LINGO2: variants seen among roughly 807,000 people sequenced by gnomAD.
LINGO2 encodes the protein leucine rich repeat and Ig domain containing 2.
In LINGO2, 14 loss-of-function variants were observed where a neutral mutation model predicts 30.6. The observed-to-expected ratio is 0.46, with a 90% confidence interval of 0.30 to 0.72. The LOEUF is 0.72. Among genes scored for constraint, LINGO2 ranks in the 30% least tolerant of loss-of-function variants. The pLI is 0.07. For synonymous variants in LINGO2, 317 were observed against 288.5 expected (o/e 1.10, Z -1.00); for missense variants, 729 against 751.7 (o/e 0.97, Z 0.35).
the LINGO2 span, among the ~76,000 whole-genome samples, chr9:29,069,843 T>C: frequency 6.6e-6 from 1 of 152,046 alleles, no homozygotes; most frequent in Non-Finnish European, 1.5e-5. Flanking sequence ...CTATTTTTAA[T>C]AGATAGCCAG....
intron 4 of LINGO2, among the ~76,000 whole-genome samples, chr9:28,157,019 A>T (rs891461779): frequency 5.9e-5 from 9 of 152,062 alleles, no homozygotes; most frequent in African/African-American, 2.2e-4. Flanking sequence ...CTGTCAGTGG[A>T]TCTACCATTC....
intron 4 of LINGO2, among the ~76,000 whole-genome samples, chr9:28,185,220 T>C (rs1819499553): frequency 6.6e-6 from 1 of 152,212 alleles, no homozygotes; most frequent in Admixed American, 6.5e-5. Flanking sequence ...AGTTCACCAG[T>C]GTGCAGACAT....
At chr9:28,275,217 C>T (rs56369376) in intron 4 of LINGO2, among the ~76,000 whole-genome samples, 2,636 of 152,040 alleles carry the variant, frequency 0.017, 42 homozygotes, top group African/African-American at 0.041. Context: ...TACAGGCACC[C>T]GCCACCACGC....
At chr9:28,156,363 A>T (rs1427096239) in intron 4 of LINGO2, among the ~76,000 whole-genome samples, 1 of 152,244 alleles carries the variant, frequency 6.6e-6, no homozygotes, top group East Asian at 1.9e-4. Flanking sequence ...AGATCCAATT[A>T]GAATTGTTAA....
At chr9:28,941,425 A>G in the LINGO2 span, among the ~76,000 whole-genome samples, 1 of 152,168 alleles carries the variant, frequency 6.6e-6, no homozygotes, top group African/African-American at 2.4e-5. Context: ...TAGTACCACA[A>G]GTGTCTCCTT....
intron 1 of LINGO2, among the ~76,000 whole-genome samples, chr9:28,625,588 C>G (rs1258994647): frequency 2.0e-5 from 3 of 152,044 alleles, no homozygotes; most frequent in African/African-American, 4.8e-5. Flanking sequence ...TGAGTATGTT[C>G]TCTAAATGAA....
chr9:28,903,113 A>G, the LINGO2 span, among the ~76,000 whole-genome samples: 1 of 151,994 alleles, frequency 6.6e-6, no homozygotes, highest in African/African-American at 2.4e-5. Context: ...AAGAAACAAA[A>G]TTGGCAAAGC....
At chr9:28,121,078 G>A (rs1469027543) in intron 4 of LINGO2, among the ~76,000 whole-genome samples, 1 of 152,134 alleles carries the variant, frequency 6.6e-6, no homozygotes, top group Non-Finnish European at 1.5e-5. Flanking sequence ...ACTGATAGAA[G>A]ATTTTTGGGT....
chr9:28,811,620 C>T, the LINGO2 span, among the ~76,000 whole-genome samples: 3 of 152,124 alleles, frequency 2.0e-5, no homozygotes, highest in African/African-American at 7.2e-5. Context: ...CTCAACCAAA[C>T]TATACTAATT....
At chr9:29,113,996 T>C in the LINGO2 span, among the ~76,000 whole-genome samples, 221 of 152,118 alleles carry the variant, frequency 1.5e-3, no homozygotes, top group African/African-American at 3.8e-3. Flanking sequence ...GGAATTCTTT[T>C]CCACAACAAC....
the LINGO2 span, among the ~76,000 whole-genome samples, chr9:28,848,793 T>A: frequency 2.0e-5 from 3 of 151,756 alleles, no homozygotes; most frequent in Admixed American, 1.3e-4. Context: ...CCATCCTGAG[T>A]TTTATTTTAA....
Position 28,470,504 on chromosome 9 carries a change from G to A in LINGO2, c.-279+5436C>T, listed in dbSNP as rs534357003. ...ATGGAGCTGTCACACTTGCTGCATG[G>A]GTGGGAGCCCTAGGCCCTCTGTCAA... is the stretch of plus-strand genomic sequence containing the variant. On this transcript the variant is annotated intron_variant, in intron 2 of 5. Coordinates refer to ENST00000379992, the Ensembl canonical transcript of LINGO2. 6.8e-4 allele frequency among the ~76,000 whole-genome samples: 104 copies of A among 152,274 alleles called. 1 individual carries two copies. The highest frequency in any genetic ancestry group is 2.4e-3 in the African/African-American group (99 of 41,556).
chr9:28,965,067 T>A, the LINGO2 span, among the ~76,000 whole-genome samples: 1 of 151,938 alleles, frequency 6.6e-6, no homozygotes, highest in African/African-American at 2.4e-5. Flanking sequence ...ATCTGTCTTT[T>A]GGAGCTAAGT....
the LINGO2 span, among the ~76,000 whole-genome samples, chr9:28,905,834 T>G: frequency 6.6e-6 from 1 of 152,068 alleles, no homozygotes. Flanking sequence ...ATGAAATCAG[T>G]ATGTTGAAGA....
chr9:29,181,662 G>A, the LINGO2 span, among the ~76,000 whole-genome samples: 1 of 152,060 alleles, frequency 6.6e-6, no homozygotes, highest in African/African-American at 2.4e-5. Context: ...GATGTACTAG[G>A]AAACAAAGTA....
At chr9:28,075,391 A>C (rs750728000) in intron 4 of LINGO2, among the ~76,000 whole-genome samples, 2 of 151,774 alleles carry the variant, frequency 1.3e-5, no homozygotes, top group African/African-American at 2.4e-5. Context: ...AGTTTTTATG[A>C]TTATAATTAA....
At chr9:28,877,741 T>G in the LINGO2 span, among the ~76,000 whole-genome samples, 1 of 152,194 alleles carries the variant, frequency 6.6e-6, no homozygotes, top group East Asian at 1.9e-4. Context: ...GCAGGCTCTT[T>G]TTTGGTTCCA....
At chr9:28,549,237 G>C (rs1391645280) in intron 1 of LINGO2, among the ~76,000 whole-genome samples, 1 of 151,966 alleles carries the variant, frequency 6.6e-6, no homozygotes, top group Non-Finnish European at 1.5e-5. Flanking sequence ...CTTACTGTCA[G>C]TATCCATCCC....
chr9:28,482,234 C>G lies in LINGO2; in HGVS notation c.-364-6209G>C, dbSNP rs972986961. Among the ~76,000 whole-genome samples, 239 of 151,924 alleles carry G rather than the reference C, an allele frequency of 1.6e-3. 1 individual carries two copies. Among genetic ancestry groups the G allele is most frequent in the African/African-American group, 5.4e-3 (223 of 41,440 alleles). On this transcript the variant is annotated intron_variant, in intron 1 of 5. Coordinates refer to ENST00000379992, the Ensembl canonical transcript of LINGO2. The stretch of plus-strand genomic sequence containing the variant: ...ACAATGGTTGAACTAGTTTACAGTC[C>G]CACCAACAGTGTAAAAGTGTTCCTA...
Sources: allele counts gnomAD v4.1 joint callset (sites outside exome capture counted in the v4.1 genomes callset), GRCh38; gene constraint gnomAD v4.1.1; transcripts MANE v1.5; gene names NCBI Gene and HGNC (gene_info 2026-07-23, HGNC 2026-07-21).